ZBTB40: variants seen among roughly 807,000 people sequenced by gnomAD.
The protein encoded by ZBTB40 is zinc finger and BTB domain containing 40.
In ZBTB40, 60 loss-of-function variants were observed where a neutral mutation model predicts 117.5. The observed-to-expected ratio is 0.51, with a 90% CI of 0.41 to 0.63. The LOEUF (loss-of-function observed/expected upper bound fraction) is 0.63, where lower values mean the gene tolerates loss of function less well. ZBTB40 is among the 30% of genes least tolerant of loss of function. The pLI is 0.00. For synonymous variants in ZBTB40, 525 were observed against 577.1 expected (o/e 0.91, Z 1.29); for missense variants, 1,287 against 1,498.5 (o/e 0.86, Z 2.33).
intron 1 of ZBTB40, among the ~76,000 whole-genome samples, chr1:22,436,806 A>T (rs1264553760): frequency 6.6e-6 from 1 of 152,200 alleles, no homozygotes; most frequent in African/African-American, 2.4e-5. Context: ...TATATATTAC[A>T]TATATAATAT....
At position 22,506,088 on chromosome 1, in the gene ZBTB40, A is replaced by G; in HGVS notation, c.1207A>G (p.Thr403Ala). 1 of 1,614,124 alleles carries G rather than the reference A, an allele frequency of 6.2e-7. No homozygotes were observed. The highest frequency in any genetic ancestry group is 1.3e-5 in the African/African-American group (1 of 75,036). Residue 403 changes from threonine to alanine, a missense_variant, in exon 6 of 18, where the codon ACA becomes GCA. Coordinates refer to ENST00000375647, the MANE Select transcript of ZBTB40 (RefSeq NM_014870.4). ...CTGTGAGGGCAGAACACCCAAGGAG[A>G]CAATAGAAAATTTGTTGCACAGAAT... ...NCCEGRTPKE[T>A]IENLLHRMTE...
chr1:22,489,880 G>T lies in ZBTB40; in HGVS notation c.-69G>T. The T allele has an allele frequency of 6.7e-7, 1 of 1,488,514 alleles. No homozygotes were observed. Among genetic ancestry groups the T allele is most frequent in the South Asian group, 1.1e-5 (1 of 88,590 alleles). 92.2% of individuals were successfully genotyped at this position (1,488,514 alleles called of 1,614,324 possible). A position where few individuals can be genotyped will look rare whatever the true frequency, so the allele number is the denominator to read the frequency against. On this transcript the variant is annotated splice_region_variant and 5_prime_UTR_variant, in exon 2 of 18. Transcript: ENST00000375647. Reference sequence around the variant, plus strand: ...CCTGGTATTTTGTGGGTTTCTCTAGGGCCTGTCCTCCCAAAGCCAACTCTA... The same window carrying T: ...CCTGGTATTTTGTGGGTTTCTCTAGTGCCTGTCCTCCCAAAGCCAACTCTA...
At chr1:22,454,320 A>G (rs1228784151) in intron 1 of ZBTB40, among the ~76,000 whole-genome samples, 1 of 152,222 alleles carries the variant, frequency 6.6e-6, no homozygotes, top group African/African-American at 2.4e-5. Context: ...TACCAGGGTG[A>G]GCAAGATGGA....
chr1:22,496,429 G>T lies in ZBTB40; in HGVS notation c.831+4896G>T, dbSNP rs888043069. Among the ~76,000 whole-genome samples the T allele has an allele frequency of 3.3e-5, 5 of 152,312 alleles. No individual in the cohort carries two copies. In the East Asian group the frequency reaches 7.7e-4, roughly 23 times the overall value. ...ATATAAAACAACTAAGTTAGGGTAG[G>T]CATGGGAATATCAGAGACAGTTGTA... On this transcript the variant is annotated intron_variant, in intron 3 of 17. Transcript: ENST00000375647.
chr1:22,484,536 G>GT (rs1344413624), intron 1 of ZBTB40, among the ~76,000 whole-genome samples: 6 of 152,130 alleles, frequency 3.9e-5, no homozygotes, highest in African/African-American at 7.2e-5. Context: ...GTTCCAGGAG[G>GT]TTTTTTGTCA....
chr1:22,479,420 G>GATAA, intron 1 of ZBTB40, among the ~76,000 whole-genome samples: 1 of 152,068 alleles, frequency 6.6e-6, no homozygotes, highest in South Asian at 2.1e-4. Flanking sequence ...AAGTCAGCCT[G>GATAA]ACCTGATAGT....
chr1:22,508,756 G>T, intron 8 of ZBTB40, 25 bp downstream of exon 8: 16 of 1,607,366 alleles, frequency 1.0e-5, no homozygotes, highest in Non-Finnish European at 1.3e-5. Context: ...CTCTGGGGGG[G>T]TTTTGCCCCC....
At chr1:22,452,695 A>G (rs1640910253) in intron 1 of ZBTB40, 1 of 152,132 alleles carries the variant, frequency 6.6e-6, no homozygotes, top group South Asian at 2.1e-4. Context: ...ACACAAGGAG[A>G]TTGGATCAGT....
chr1:22,497,249 A>G (rs928902040), intron 3 of ZBTB40, among the ~76,000 whole-genome samples: 17 of 152,212 alleles, frequency 1.1e-4, no homozygotes, highest in African/African-American at 4.1e-4. Flanking sequence ...GAAGACTCCC[A>G]AAGCTGAAGA....
chr1:22,476,385 GT>G (rs915806333), intron 1 of ZBTB40, among the ~76,000 whole-genome samples: 1 of 151,838 alleles, frequency 6.6e-6, no homozygotes, highest in Non-Finnish European at 1.5e-5. Context: ...CACCTGGCTA[GT>G]TTTTTTTGTG....
intron 1 of ZBTB40, among the ~76,000 whole-genome samples, chr1:22,466,350 G>C (rs932115034): frequency 2.6e-5 from 4 of 152,178 alleles, no homozygotes; most frequent in Non-Finnish European, 2.9e-5. Context: ...GAACATTAAT[G>C]TACAGGTTTT....
At chr1:22,521,767 C>G in intron 15 of ZBTB40, 109 bp downstream of exon 15, 1 of 1,508,946 alleles carries the variant, frequency 6.6e-7, no homozygotes, top group Non-Finnish European at 9.2e-7. Context: ...GTGCAGTGGT[C>G]ATTGCCTTTG....
chr1:22,461,923 A>G (rs948921291), intron 1 of ZBTB40, among the ~76,000 whole-genome samples: 16 of 152,266 alleles, frequency 1.1e-4, no homozygotes, highest in African/African-American at 3.6e-4. Flanking sequence ...TAGGGCTGGG[A>G]CACAGCCTTG....
At position 22,502,434 on chromosome 1, in the gene ZBTB40, A is replaced by C. The variant is rs917135054; in HGVS notation, c.1160A>C (p.Glu387Ala). Residue 387 changes from glutamate to alanine, a missense_variant, in exon 5 of 18, where the codon GAA (glutamate) becomes GCA (alanine). By Grantham distance (107) the Glu-to-Ala change is moderately radical. Coordinates refer to ENST00000375647, the MANE Select transcript of ZBTB40 (RefSeq NM_014870.4). ...TAKEEFLTGT[E>A]KRVILNCCEG... is the part of the protein sequence containing the mutation. The stretch of plus-strand genomic sequence containing the variant: ...AAGGAGGAATTCCTGACTGGCACTG[A>C]AAAAAGGGTAACTGTGTCAAGTGTC... 6.2e-7 allele frequency: 1 copy of C among 1,613,968 alleles called. No homozygotes were observed. Among genetic ancestry groups the C allele is most frequent in the African/African-American group, 1.3e-5 (1 of 75,032 alleles).
intron 13 of ZBTB40, among the ~76,000 whole-genome samples, chr1:22,518,609 T>C (rs1277657360): frequency 6.6e-6 from 1 of 152,176 alleles, no homozygotes; most frequent in African/African-American, 2.4e-5. Flanking sequence ...ACAAGTGCGC[T>C]TTATGTAAAC....
intron 1 of ZBTB40, among the ~76,000 whole-genome samples, chr1:22,431,227 G>T (rs908333940): frequency 6.8e-5 from 6 of 88,132 alleles, no homozygotes; most frequent in African/African-American, 5.7e-4. Flanking sequence ...TTTATTAGGA[G>T]CATTTATATA....
chr1:22,458,851 A>G (rs934366772), intron 1 of ZBTB40, among the ~76,000 whole-genome samples: 1 of 152,198 alleles, frequency 6.6e-6, no homozygotes, highest in African/African-American at 2.4e-5. Context: ...TCGGCCTCCC[A>G]AAGTGCTGGG....
chr1:22,472,990 T>C (rs1641447539), intron 1 of ZBTB40, among the ~76,000 whole-genome samples: 2 of 152,244 alleles, frequency 1.3e-5, no homozygotes, highest in African/African-American at 4.8e-5. Flanking sequence ...AGAGATACTT[T>C]GGACATTGTT....
chr1:22,477,120 G>T lies in ZBTB40; in HGVS notation c.-69-12760G>T, dbSNP rs149146617. 8.8e-4 allele frequency among the ~76,000 whole-genome samples: 134 copies of T among 152,260 alleles called. 1 individual carries two copies. Among genetic ancestry groups the T allele is most frequent in the African/African-American group, 3.0e-3 (125 of 41,554 alleles). On this transcript the variant is annotated intron_variant, in intron 1 of 17. Coordinates refer to ENST00000375647, the MANE Select transcript of ZBTB40 (RefSeq NM_014870.4). The stretch of plus-strand genomic sequence containing the variant: ...TTTCCATAGCCCCCAAATCACTAGT[G>T]TATCCCTCATGATTATATATATTTA...
Sources: gnomAD v4.1 joint callset for allele counts (sites outside exome capture counted in the v4.1 genomes callset) on GRCh38, gnomAD v4.1.1 for gene constraint, MANE v1.5 for transcripts, NCBI Gene and HGNC (gene_info 2026-07-23, HGNC 2026-07-21) for gene names.